PARVA: variants seen among roughly 807,000 people sequenced by gnomAD.
PARVA encodes alpha-parvin.
Under a neutral mutation model 52.6 loss-of-function variants are expected in PARVA, and 25 were observed. That is an observed-to-expected ratio of 0.48 (90% CI 0.35 to 0.66). PARVA has a LOEUF of 0.66. Among genes scored for constraint, PARVA ranks in the 30% least tolerant of loss-of-function variants. The probability of loss-of-function intolerance (pLI) is 0.01; values close to 1 mark genes in which losing one functional copy is unlikely to be tolerated. For missense variants in PARVA, 373 were observed against 450.9 expected (o/e 0.83, Z 1.56); for synonymous variants, 185 against 179.1 (o/e 1.03, Z -0.26).
intron 1 of PARVA, among the ~76,000 whole-genome samples, chr11:12,423,182 AT>A (rs34667589): frequency 0.088 from 11,649 of 132,844 alleles, 512 homozygotes; most frequent in South Asian, 0.15. Context: ...CATTAAGGAG[AT>A]TTTTTTTTTT....
At position 12,473,957 on chromosome 11, in the gene PARVA, G is replaced by A; in HGVS notation, c.271G>A (p.Asp91Asn). Reference sequence around the variant, plus strand: ...AATGGTGGATCCAAACTCACGCAGTGACCCCAAGCTTCAAGAACTGATGAA... The same window carrying A: ...AATGGTGGATCCAAACTCACGCAGTAACCCCAAGCTTCAAGAACTGATGAA... Reference protein sequence around the residue: ...RTMVDPNSRSDPKLQELMKVL... With the variant: ...RTMVDPNSRSNPKLQELMKVL... The change falls in exon 3 of 13, where the codon GAC (aspartate) becomes AAC (asparagine). Residue 91 changes from aspartate to asparagine, a missense_variant. Physicochemically the swap from Asp to Asn is conservative, Grantham distance 23. Transcript: ENST00000334956. 2 of 1,582,060 alleles carry A rather than the reference G, an allele frequency of 1.3e-6. No individual in the cohort carries two copies. The highest frequency in any genetic ancestry group is 1.7e-6 in the Non-Finnish European group (2 of 1,164,074).
At chr11:12,379,196 G>T (rs1368538525) in intron 1 of PARVA, among the ~76,000 whole-genome samples, 1 of 151,916 alleles carries the variant, frequency 6.6e-6, no homozygotes, top group African/African-American at 2.4e-5. Context: ...GGTTTTAGCC[G>T]ACTTCTTTAC....
chr11:12,387,105 C>G (rs1565323764), intron 1 of PARVA, among the ~76,000 whole-genome samples: 1 of 152,262 alleles, frequency 6.6e-6, no homozygotes, highest in Admixed American at 6.5e-5. Context: ...AATCTCCACT[C>G]ACTGTCATGG....
At chr11:12,451,147 T>G (rs1024524042) in intron 1 of PARVA, among the ~76,000 whole-genome samples, 1 of 152,208 alleles carries the variant, frequency 6.6e-6, no homozygotes, top group Non-Finnish European at 1.5e-5. Flanking sequence ...CCTGTGGCTC[T>G]TTCTTTCCAC....
Position 12,513,225 on chromosome 11 carries a change from C to T in PARVA, c.737-74C>T, listed in dbSNP as rs1941524826. 6.1e-6 allele frequency: 8 copies of T among 1,320,258 alleles called. No homozygotes were observed. In the East Asian group the frequency reaches 1.8e-4, roughly 30 times the overall value. The allele number at this position is 1,320,258 out of a possible 1,614,324, so 81.8% of individuals were successfully genotyped here. A position where few individuals can be genotyped will look rare whatever the true frequency, so the allele number is the denominator to read the frequency against. On this transcript the variant is annotated intron_variant, in intron 8 of 12. Transcript: ENST00000334956. ...CCTTGTGACCTTGAGAGGCGCGTGG[C>T]TCTGGGACCCAAGGTGGGCTTCCCT...
chr11:12,380,965 TG>T (rs1324601045), intron 1 of PARVA, among the ~76,000 whole-genome samples: 2 of 152,212 alleles, frequency 1.3e-5, no homozygotes, highest in African/African-American at 4.8e-5. Flanking sequence ...TTTTCATCCC[TG>T]TTATATTTCA....
chr11:12,514,292 G>A (rs913746948), intron 10 of PARVA, among the ~76,000 whole-genome samples: 12 of 152,310 alleles, frequency 7.9e-5, no homozygotes, highest in African/African-American at 9.6e-5. Flanking sequence ...GGGATGCACC[G>A]ATTGTTAATA....
rs1941751817 is a variant in PARVA, at chr11:12,530,070, T to C, written c.*2145T>C. ...TCTCTTTTTTGGTCTCTTTTTCTTA[T>C]ATTCAAGTTACAAATGTACAAGTAT... On this transcript the variant is annotated 3_prime_UTR_variant, in exon 13 of 13. Transcript: ENST00000334956. The C allele has an allele frequency of 6.6e-6, 1 of 152,226 alleles. No individual in the cohort carries two copies. The allele number at this position is 152,226 out of a possible 1,614,324, so 9.4% of individuals were successfully genotyped here.
intron 1 of PARVA, among the ~76,000 whole-genome samples, chr11:12,421,753 T>C (rs1358018276): frequency 6.6e-6 from 1 of 152,262 alleles, no homozygotes; most frequent in Non-Finnish European, 1.5e-5. Context: ...TGTGCAAATA[T>C]AGTTTGTACA....
At chr11:12,503,593 A>C (rs933936) in intron 5 of PARVA, among the ~76,000 whole-genome samples, 142,482 of 152,154 alleles carry the variant, frequency 0.94, 67,481 homozygotes, top group East Asian at 1. Flanking sequence ...GGGGCCAGGC[A>C]TGGTGGCACA....
chr11:12,516,914 G>T (rs1293367511), intron 10 of PARVA, among the ~76,000 whole-genome samples: 1 of 152,138 alleles, frequency 6.6e-6, no homozygotes, highest in Non-Finnish European at 1.5e-5. Context: ...CACCTGGGAG[G>T]CCTGGCCCCA....
intron 4 of PARVA, among the ~76,000 whole-genome samples, chr11:12,492,565 G>T (rs532965870): frequency 4.2e-4 from 64 of 152,196 alleles, no homozygotes; most frequent in African/African-American, 1.5e-3. Context: ...ATATTTTAAG[G>T]GTTGAATACC....
chr11:12,520,516 A>G (rs16911450), intron 12 of PARVA, among the ~76,000 whole-genome samples: 1,908 of 152,262 alleles, frequency 0.013, 42 homozygotes, highest in African/African-American at 0.044. Flanking sequence ...GCTGTTTAAC[A>G]CTCAAAGCTC....
chr11:12,483,970 C>G (rs747870629), intron 4 of PARVA, among the ~76,000 whole-genome samples: 5 of 152,180 alleles, frequency 3.3e-5, no homozygotes, highest in Admixed American at 6.5e-5. Flanking sequence ...AGGATTACCC[C>G]CTTCCAGGGT....
At chr11:12,393,043 TGAA>T (rs372578926) in intron 1 of PARVA, among the ~76,000 whole-genome samples, 22,690 of 77,738 alleles carry the variant, frequency 0.29, 1,857 homozygotes, top group African/African-American at 0.43. Flanking sequence ...CCCCAAATTG[TGAA>T]AAAAAAAAAA....
rs1157917638 is a variant in PARVA, at chr11:12,530,942, AG to A, written c.*3019del. The A allele has an allele frequency of 6.6e-6, 1 of 152,212 alleles. No individual in the cohort carries two copies. Among genetic ancestry groups the A allele is most frequent in the African/African-American group, 2.4e-5 (1 of 41,454 alleles). The allele number at this position is 152,212 out of a possible 1,614,324, so 9.4% of individuals were successfully genotyped here. On this transcript the variant is annotated 3_prime_UTR_variant, in exon 13 of 13. Transcript: ENST00000334956. ...TAAAACCTATGGGGTGCAGGACCAG[AG>A]GCTGGGGCACATTATCAGAGGCATC...
intron 3 of PARVA, among the ~76,000 whole-genome samples, chr11:12,476,939 A>G (rs1941021902): frequency 1.3e-5 from 2 of 152,176 alleles, no homozygotes; most frequent in African/African-American, 4.8e-5. Flanking sequence ...AGAAATGTCA[A>G]AACTGTAGTG....
At chr11:12,441,345 CTT>C (rs59863347) in intron 1 of PARVA, among the ~76,000 whole-genome samples, 1 of 148,364 alleles carries the variant, frequency 6.7e-6, no homozygotes, top group African/African-American at 2.5e-5. Flanking sequence ...TGGTAGAAAA[CTT>C]TTTTTTTTTT....
rs79065657 is a variant in PARVA, at chr11:12,395,921, A to C, written c.136+18138A>C. Among the ~76,000 whole-genome samples, 110 of 152,368 alleles carry C rather than the reference A, an allele frequency of 7.2e-4. 1 individual carries two copies. The highest frequency in any genetic ancestry group is 2.3e-3 in the Admixed American group (35 of 15,308). On this transcript the variant is annotated intron_variant, in intron 1 of 12. Transcript: ENST00000334956. ...GAATATGAGTGGATATAAGATTTTC[A>C]GTTCACTTTTAAAACTCAGAAGGTT...
Sources: gnomAD v4.1 joint callset for allele counts (sites outside exome capture counted in the v4.1 genomes callset) on GRCh38, gnomAD v4.1.1 for gene constraint, MANE v1.5 for transcripts, NCBI Gene and HGNC (gene_info 2026-07-23, HGNC 2026-07-21) for gene names.